Variants in EPB41L1 observed in about 807,000 individuals in gnomAD.
EPB41L1 encodes the protein erythrocyte membrane protein band 4.1 like 1, also known as band 4.1-like protein 1.
EPB41L1 carries 29 observed loss-of-function variants against 97.8 expected under a neutral mutation model. The observed-to-expected ratio is 0.30, with a 90% confidence interval of 0.22 to 0.40. The LOEUF (loss-of-function observed/expected upper bound fraction) is 0.40. EPB41L1 is among the 10% of genes least tolerant of loss of function. EPB41L1 has a pLI of 1.00. For missense variants in EPB41L1, 812 were observed against 1,162.3 expected (o/e 0.70, Z 4.38); for synonymous variants, 383 against 459.2 (o/e 0.83, Z 2.12).
At chr20:36,150,775 A>G (rs2060020275), upstream of EPB41L1, 1 of 152,208 alleles carries the variant, frequency 6.6e-6, no homozygotes, top group Non-Finnish European at 1.5e-5. Context: ...GTATCCTCTG[A>G]TGTGCTGGGG....
chr20:36,168,960 G>A (rs912423647), intron 1 of EPB41L1, among the ~76,000 whole-genome samples: 2 of 151,776 alleles, frequency 1.3e-5, no homozygotes, highest in Non-Finnish European at 2.9e-5. Context: ...AGGCATGGTG[G>A]CTCACGCCTG....
chr20:36,163,904 T>C (rs748950940), intron 1 of EPB41L1, among the ~76,000 whole-genome samples: 5 of 152,040 alleles, frequency 3.3e-5, no homozygotes, highest in African/African-American at 7.2e-5. Context: ...TCGTCCAGGC[T>C]AGAGTGCAGT....
chr20:36,204,420 G>C (rs949269839), intron 14 of EPB41L1, among the ~76,000 whole-genome samples: 18 of 151,442 alleles, frequency 1.2e-4, no homozygotes, highest in Middle Eastern at 6.9e-3. Context: ...AAGAACTCTT[G>C]GGGGAGGTAG....
At chr20:36,183,206 C>T (rs536754388) in intron 6 of EPB41L1, among the ~76,000 whole-genome samples, 157 of 152,276 alleles carry the variant, frequency 1.0e-3, no homozygotes, top group African/African-American at 3.7e-3. Context: ...GCCTTATACT[C>T]CCAACATAAA....
intron 3 of EPB41L1, among the ~76,000 whole-genome samples, chr20:36,176,792 C>T (rs1185038184): frequency 6.6e-6 from 1 of 151,748 alleles, no homozygotes; most frequent in Non-Finnish European, 1.5e-5. Flanking sequence ...CCACCACACC[C>T]GGCTAATTTT....
chr20:36,092,458 C>A lies in EPB41L1; in HGVS notation c.-65+846C>A, dbSNP rs1192284431. Among the ~76,000 whole-genome samples, 1 of 151,994 alleles carries A rather than the reference C, an allele frequency of 6.6e-6. No individual in the cohort carries two copies. The highest frequency in any genetic ancestry group is 1.5e-5 in the Non-Finnish European group (1 of 67,962). On this transcript the variant is annotated intron_variant, in intron 1 of 19. Coordinates refer to the EPB41L1 transcript ENST00000202028. The surrounding 1 kb of genome is among the most constrained non-coding windows in gnomAD (Gnocchi z 7.0). ...GCTCAGCCCCTTCCTCTGCTCCCCT[C>A]CCCGGGACCGGCGCGCGGCCCCAGC...
At chr20:36,148,699 A>C (rs2059930663) in intron 2 of EPB41L1, 1 of 152,332 alleles carries the variant, frequency 6.6e-6, no homozygotes, top group Admixed American at 6.5e-5. Flanking sequence ...TCAGTTGTCC[A>C]AGCCACTGGA....
At position 36,206,748 on chromosome 20, in the gene EPB41L1, T is replaced by C; in HGVS notation, c.1669-2740T>C. ...AGACGTTTGCTGAAGGCTGGGAAGATGCCCAGTGGGGAGTGGAAGGAGAGT... is the reference window on the plus strand; with the variant it reads ...AGACGTTTGCTGAAGGCTGGGAAGACGCCCAGTGGGGAGTGGAAGGAGAGT... On this transcript the variant is annotated intron_variant, in intron 14 of 21. Coordinates refer to ENST00000338074, the MANE Select transcript of EPB41L1 (RefSeq NM_012156.2). The surrounding 1 kb of genome is among the most constrained non-coding windows in gnomAD (Gnocchi z 5.5). 7.8e-7 allele frequency: 1 copy of C among 1,289,672 alleles called. No homozygotes were observed. Among genetic ancestry groups the C allele is most frequent in the Non-Finnish European group, 1.0e-6 (1 of 988,844 alleles). 79.9% of individuals were successfully genotyped at this position (1,289,672 alleles called of 1,614,324 possible).
At chr20:36,107,598 G>C (rs559121124) in intron 1 of EPB41L1, among the ~76,000 whole-genome samples, 1 of 151,660 alleles carries the variant, frequency 6.6e-6, no homozygotes, top group South Asian at 2.1e-4. Flanking sequence ...GGGAGGCCGA[G>C]GTGGGCAGAT....
chr20:36,097,116 T>C (rs980123852), intron 1 of EPB41L1, among the ~76,000 whole-genome samples: 3 of 152,220 alleles, frequency 2.0e-5, no homozygotes, highest in Admixed American at 6.5e-5. Flanking sequence ...TGTACTGGAA[T>C]GAGAAGAGGA....
intron 1 of EPB41L1, among the ~76,000 whole-genome samples, chr20:36,096,097 G>C (rs1179645915): frequency 2.0e-5 from 3 of 152,054 alleles, no homozygotes; most frequent in Non-Finnish European, 4.4e-5. Flanking sequence ...AACTCTGGAG[G>C]TGTGGCCCAG....
At chr20:36,102,901 G>A (rs766552432) in intron 1 of EPB41L1, among the ~76,000 whole-genome samples, 7 of 152,134 alleles carry the variant, frequency 4.6e-5, no homozygotes, top group Non-Finnish European at 8.8e-5. Context: ...GGAGGGCTGC[G>A]AAAACTAATT....
chr20:36,134,380 G>A (rs757122499), intron 2 of EPB41L1, among the ~76,000 whole-genome samples: 18 of 152,306 alleles, frequency 1.2e-4, no homozygotes, highest in Non-Finnish European at 2.1e-4. Context: ...CTAGGCCTCA[G>A]TGTTCCCATG....
At chr20:36,201,051 C>T (rs955156018) in intron 14 of EPB41L1, 7 of 443,726 alleles carry the variant, frequency 1.6e-5, no homozygotes, top group African/African-American at 1.4e-4. Flanking sequence ...TAAGAAAACC[C>T]TTTCTCTGGG....
intron 6 of EPB41L1, among the ~76,000 whole-genome samples, chr20:36,182,955 GAGAA>G (rs539342725): frequency 5.3e-5 from 8 of 152,328 alleles, no homozygotes; most frequent in African/African-American, 1.9e-4. Flanking sequence ...ACTCCCCACA[GAGAA>G]AAGCCTGGGC....
intron 17 of EPB41L1, among the ~76,000 whole-genome samples, chr20:36,216,232 T>G (rs895646568): frequency 3.3e-5 from 5 of 151,974 alleles, no homozygotes; most frequent in Admixed American, 6.6e-5. Flanking sequence ...GGCAGGGACA[T>G]TTGAGTGAGC....
chr20:36,137,374 G>C (rs1195631502), intron 2 of EPB41L1, among the ~76,000 whole-genome samples: 1 of 148,618 alleles, frequency 6.7e-6, no homozygotes, highest in Non-Finnish European at 1.5e-5. Flanking sequence ...CTGCGCTGGG[G>C]CAGCTAATTA....
upstream of EPB41L1, chr20:36,091,483 G>C (rs2057665984): frequency 6.6e-6 from 1 of 152,192 alleles, no homozygotes; most frequent in Non-Finnish European, 1.5e-5. Context: ...TATACCTGAG[G>C]CATGGACCAC....
At chr20:36,124,854 A>G (rs1479140506) in intron 2 of EPB41L1, among the ~76,000 whole-genome samples, 6 of 152,206 alleles carry the variant, frequency 3.9e-5, no homozygotes, top group African/African-American at 1.4e-4. Context: ...GAGGTGCTCA[A>G]TAAATGGCAG....
Sources: allele counts gnomAD v4.1 joint callset (sites outside exome capture counted in the v4.1 genomes callset), GRCh38; gene constraint gnomAD v4.1.1; non-coding constraint Gnocchi (gnomAD v3.1); transcripts MANE v1.5; gene names NCBI Gene and HGNC (gene_info 2026-07-23, HGNC 2026-07-21).